SPAG16: variants seen among roughly 807,000 people sequenced by gnomAD.
SPAG16 encodes sperm associated antigen 16.
SPAG16 carries 86 observed loss-of-function variants against 80.4 expected under a neutral mutation model. The observed-to-expected ratio is 1.07, with a 90% CI of 0.90 to 1.28. The LOEUF is 1.28. Ranked by LOEUF, SPAG16 falls within the 50% of genes most tolerant of loss-of-function variation. SPAG16 has a pLI of 0.00. For synonymous variants in SPAG16, 294 were observed against 265.9 expected (o/e 1.11, Z -1.03); for missense variants, 870 against 765.3 (o/e 1.14, Z -1.61).
chr2:213,318,988 A>G (rs1225305093), intron 5 of SPAG16, among the ~76,000 whole-genome samples: 1 of 152,006 alleles, frequency 6.6e-6, no homozygotes, highest in African/African-American at 2.4e-5. Context: ...AATGGAAGAC[A>G]TGCAATTCCT....
chr2:214,304,647 T>C (rs1418791325), intron 15 of SPAG16, among the ~76,000 whole-genome samples: 1 of 152,152 alleles, frequency 6.6e-6, no homozygotes, highest in Non-Finnish European at 1.5e-5. Flanking sequence ...TCTATATTTC[T>C]GTGTGTGTGT....
At chr2:213,550,370 C>T (rs551384841) in intron 10 of SPAG16, among the ~76,000 whole-genome samples, 26 of 152,004 alleles carry the variant, frequency 1.7e-4, no homozygotes, top group African/African-American at 3.1e-4. Context: ...TCAAATTATG[C>T]GCTTTTAATG....
intron 15 of SPAG16, among the ~76,000 whole-genome samples, chr2:214,333,221 T>C (rs1228967486): frequency 3.9e-5 from 6 of 152,352 alleles, no homozygotes; most frequent in Non-Finnish European, 8.8e-5. Context: ...TGGCTTTTTA[T>C]TGGTGCTTCT....
At chr2:213,734,953 G>C (rs1254118797) in intron 10 of SPAG16, among the ~76,000 whole-genome samples, 1 of 98,338 alleles carries the variant, frequency 1.0e-5, no homozygotes, top group East Asian at 3.3e-4. Flanking sequence ...GTCCCCTAAG[G>C]TGCCTTTCTA....
At chr2:213,545,952 G>A (rs1361946313) in intron 10 of SPAG16, among the ~76,000 whole-genome samples, 2 of 152,088 alleles carry the variant, frequency 1.3e-5, no homozygotes, top group Non-Finnish European at 2.9e-5. Flanking sequence ...GATTAGCAGA[G>A]GACTTGGGGG....
At chr2:213,761,940 G>A (rs1026272621) in intron 10 of SPAG16, among the ~76,000 whole-genome samples, 6 of 151,882 alleles carry the variant, frequency 4.0e-5, no homozygotes, top group African/African-American at 1.5e-4. Context: ...GAATATTGAG[G>A]CAAAAATGCT....
At chr2:213,672,523 T>C (rs547510452) in intron 10 of SPAG16, among the ~76,000 whole-genome samples, 1 of 152,260 alleles carries the variant, frequency 6.6e-6, no homozygotes, top group African/African-American at 2.4e-5. Flanking sequence ...TTTGTTCCAT[T>C]GTTTACATTT....
chr2:214,048,275 A>G (rs893088801), intron 13 of SPAG16, among the ~76,000 whole-genome samples: 3 of 152,200 alleles, frequency 2.0e-5, no homozygotes, highest in African/African-American at 7.2e-5. Context: ...ATGATAGCCA[A>G]GATTTGGAAG....
intron 10 of SPAG16, among the ~76,000 whole-genome samples, chr2:213,637,267 C>G (rs2062399662): frequency 6.6e-6 from 1 of 152,134 alleles, no homozygotes; most frequent in South Asian, 2.1e-4. Flanking sequence ...TATTGACTTG[C>G]ATATTTTGAA....
intron 10 of SPAG16, among the ~76,000 whole-genome samples, chr2:213,847,358 G>A (rs1303952672): frequency 2.6e-5 from 4 of 152,140 alleles, no homozygotes; most frequent in East Asian, 1.9e-4. Flanking sequence ...GGGAAGCATC[G>A]TGCTGGCATC....
At chr2:213,860,436 T>TAGA (rs200245977) in intron 10 of SPAG16, among the ~76,000 whole-genome samples, 5 of 136,898 alleles carry the variant, frequency 3.7e-5, no homozygotes, top group Non-Finnish European at 7.8e-5. Context: ...TATCTATATA[T>TAGA]TTATAGATAT....
At chr2:213,771,356 T>A (rs1165888480) in intron 10 of SPAG16, among the ~76,000 whole-genome samples, 2 of 152,178 alleles carry the variant, frequency 1.3e-5, no homozygotes, top group South Asian at 4.1e-4. Flanking sequence ...ATATTAGACA[T>A]TTATCAAATG....
intron 10 of SPAG16, among the ~76,000 whole-genome samples, chr2:213,624,699 G>T (rs1009553335): frequency 6.6e-6 from 1 of 152,188 alleles, no homozygotes; most frequent in African/African-American, 2.4e-5. Flanking sequence ...GATTAAGAAG[G>T]TATTTTGTTG....
At chr2:213,403,845 C>T (rs2068463320) in intron 9 of SPAG16, among the ~76,000 whole-genome samples, 1 of 152,182 alleles carries the variant, frequency 6.6e-6, no homozygotes, top group South Asian at 2.1e-4. Flanking sequence ...AGCTGATAAG[C>T]AACTTCAGCA....
At chr2:213,534,979 C>A (rs1239764792) in intron 10 of SPAG16, among the ~76,000 whole-genome samples, 2 of 152,160 alleles carry the variant, frequency 1.3e-5, no homozygotes, top group East Asian at 1.9e-4. Context: ...TAAAGACACA[C>A]AAAGCAGGAC....
chr2:214,169,213 TA>T (rs2125628447), intron 15 of SPAG16, among the ~76,000 whole-genome samples: 1 of 152,254 alleles, frequency 6.6e-6, no homozygotes, highest in South Asian at 2.1e-4. Flanking sequence ...ACTATAATAG[TA>T]TCTGAGATGT....
rs1327264061 is a variant in SPAG16, at chr2:213,567,337, G to A, written c.1070+77247G>A. On this transcript the variant is annotated intron_variant, in intron 10 of 15. Coordinates refer to ENST00000331683, the MANE Select transcript of SPAG16 (RefSeq NM_024532.5). Reference sequence around the variant, plus strand: ...ATGCTGGTGCGCTGCACCCACTAATGTGTCATCTAGCATTAGGTATATCTC... The same window carrying A: ...ATGCTGGTGCGCTGCACCCACTAATATGTCATCTAGCATTAGGTATATCTC... 3.1e-3 allele frequency among the ~76,000 whole-genome samples: 382 copies of A among 123,160 alleles called. 2 individuals are homozygous for A. Among genetic ancestry groups the A allele is most frequent in the African/African-American group, 0.01 (323 of 31,068 alleles). The allele number at this position is 123,160 out of a possible 152,430, so 80.8% of individuals were successfully genotyped here. A position where few individuals can be genotyped will look rare whatever the true frequency, so the allele number is the denominator to read the frequency against.
At chr2:214,405,555 G>A (rs2126153874) in intron 15 of SPAG16, among the ~76,000 whole-genome samples, 1 of 152,258 alleles carries the variant, frequency 6.6e-6, no homozygotes, top group Middle Eastern at 3.4e-3. Flanking sequence ...CAACACTTTG[G>A]GAGGCCAAGA....
At chr2:213,844,734 A>G (rs924699970) in intron 10 of SPAG16, among the ~76,000 whole-genome samples, 4 of 152,216 alleles carry the variant, frequency 2.6e-5, no homozygotes, top group African/African-American at 9.6e-5. Flanking sequence ...AGTTATAGCC[A>G]GTTTTTTACT....
Sources: gnomAD v4.1 joint callset for allele counts (sites outside exome capture counted in the v4.1 genomes callset) on GRCh38, gnomAD v4.1.1 for gene constraint, MANE v1.5 for transcripts, NCBI Gene and HGNC (gene_info 2026-07-23, HGNC 2026-07-21) for gene names.